BAZ1A: variants seen among roughly 807,000 people sequenced by gnomAD.
The protein encoded by BAZ1A is bromodomain adjacent to zinc finger domain protein 1A.
BAZ1A carries 50 observed loss-of-function variants against 185.2 expected under a neutral mutation model. The observed-to-expected ratio is 0.27, with a 90% CI of 0.22 to 0.34. The LOEUF is 0.34. Among genes scored for constraint, BAZ1A ranks in the 10% least tolerant of loss-of-function variants. The probability of loss-of-function intolerance (pLI) is 1.00; values close to 1 mark genes in which losing one functional copy is unlikely to be tolerated. For synonymous variants in BAZ1A, 571 were observed against 615.6 expected (o/e 0.93, Z 1.07); for missense variants, 1,356 against 1,839.9 (o/e 0.74, Z 4.81).
At chr14:34,811,954 T>C (rs1013584583) in intron 4 of BAZ1A, among the ~76,000 whole-genome samples, 4 of 152,184 alleles carry the variant, frequency 2.6e-5, no homozygotes, top group East Asian at 1.9e-4. Flanking sequence ...CTTCACATCT[T>C]TTCTTCCCTT....
At position 34,802,931 on chromosome 14, in the gene BAZ1A, C is replaced by T; in HGVS notation, c.784G>A (p.Asp262Asn). The change falls in exon 7 of 27, where the codon GAT (aspartate) becomes AAT (asparagine). Residue 262 changes from aspartate to asparagine, a missense_variant. By Grantham distance (23) the Asp-to-Asn change is conservative (BLOSUM62 1). Coordinates refer to ENST00000360310, the MANE Select transcript of BAZ1A (RefSeq NM_013448.3). ...AEQDFSYFFPDDPPTFIFSPA... is the reference protein window; with the variant it reads ...AEQDFSYFFPNDPPTFIFSPA... ...CTGAAGATAAATGTGGGTGGATCAT[C>T]AGGGAAGAAATAAGAAAAATCTTGT... is the stretch of plus-strand genomic sequence containing the variant. 6.2e-7 allele frequency: 1 copy of T among 1,613,012 alleles called. No individual in the cohort carries two copies. Among genetic ancestry groups the T allele is most frequent in the Non-Finnish European group, 8.5e-7 (1 of 1,179,046 alleles).
intron 4 of BAZ1A, among the ~76,000 whole-genome samples, chr14:34,820,130 T>TTTG (rs1010534306): frequency 1.4e-5 from 2 of 143,614 alleles, no homozygotes; most frequent in Non-Finnish European, 1.5e-5. Flanking sequence ...TCGTTTTTTT[T>TTTG]TTTTTTTTTT....
chr14:34,825,649 T>C (rs1436208152), intron 4 of BAZ1A, among the ~76,000 whole-genome samples: 1 of 151,386 alleles, frequency 6.6e-6, no homozygotes, highest in Non-Finnish European at 1.5e-5. Flanking sequence ...GAAAGAAAAG[T>C]TATTTCAGCT....
chr14:34,764,853 T>C lies in BAZ1A; in HGVS notation c.3630A>G (p.Pro1210=), dbSNP rs778195813. ...CCACATCTTCATCACTTTCCAAGGA[T>C]GGTCTCTGTCTAGAGGAGAGTCTTC... The part of the protein sequence containing the change: ...RSRRLSSRQR[P]SLESDEDVED... Residue 1210 remains proline (P), a synonymous_variant, in exon 23 of 27, where the codon CCA becomes CCG. Transcript: ENST00000360310. 8 of 1,614,094 alleles carry C rather than the reference T, an allele frequency of 5.0e-6. No homozygotes were observed. In the African/African-American group the frequency reaches 1.1e-4, roughly 22 times the overall value.
At chr14:34,861,854 G>T (rs2042774127) in intron 3 of BAZ1A, among the ~76,000 whole-genome samples, 190 bp downstream of exon 3, 1 of 152,076 alleles carries the variant, frequency 6.6e-6, no homozygotes, top group Non-Finnish European at 1.5e-5. Flanking sequence ...ATATGTTTTT[G>T]GTGGCATATA....
intron 2 of BAZ1A, among the ~76,000 whole-genome samples, chr14:34,866,544 A>G (rs962518257): frequency 1.3e-5 from 2 of 149,846 alleles, no homozygotes; most frequent in South Asian, 2.1e-4. Flanking sequence ...AAACATATCT[A>G]TAATATTTAG....
chr14:34,857,105 C>G (rs192837203), intron 3 of BAZ1A, among the ~76,000 whole-genome samples: 4 of 150,476 alleles, frequency 2.7e-5, no homozygotes, highest in African/African-American at 9.8e-5. Context: ...CTCCCAGGTT[C>G]ACATCATTCT....
intron 4 of BAZ1A, among the ~76,000 whole-genome samples, chr14:34,815,834 A>G (rs1389624951): frequency 6.6e-6 from 1 of 152,170 alleles, no homozygotes; most frequent in East Asian, 1.9e-4. Context: ...CTACAATGAC[A>G]ACCCACTAAA....
Position 34,753,483 on chromosome 14 carries a change from A to G in BAZ1A, c.*25T>C, listed in dbSNP as rs1886105999. On this transcript the variant is annotated 3_prime_UTR_variant, in exon 27 of 27. Transcript: ENST00000360310. ...TTTCATGAACAATTTGTTTTTCTTC[A>G]AATATATCCTTTAGAAGGACAAAGT... The G allele has an allele frequency of 3.7e-6, 6 of 1,611,292 alleles. No homozygotes were observed. The highest frequency in any genetic ancestry group is 1.7e-5 in the Admixed American group (1 of 59,816).
chr14:34,797,818 C>T (rs893379207), intron 9 of BAZ1A, among the ~76,000 whole-genome samples: 2 of 152,102 alleles, frequency 1.3e-5, no homozygotes, highest in Non-Finnish European at 2.9e-5. Context: ...CCATGGAGGG[C>T]GAGCCGAAGC....
chr14:34,781,089 A>G (rs763491374), intron 16 of BAZ1A, among the ~76,000 whole-genome samples: 7 of 152,242 alleles, frequency 4.6e-5, no homozygotes, highest in Non-Finnish European at 7.3e-5. Context: ...TAAAACTAAA[A>G]TTATATGAAC....
intron 11 of BAZ1A, among the ~76,000 whole-genome samples, chr14:34,793,265 G>GAACAGC (rs1880967286): frequency 2.0e-5 from 3 of 152,182 alleles, no homozygotes; most frequent in African/African-American, 7.2e-5. Flanking sequence ...TTGTTATTGT[G>GAACAGC]CCACTGTTCC....
At chr14:34,836,584 T>C (rs1350824170) in intron 3 of BAZ1A, among the ~76,000 whole-genome samples, 4 of 151,862 alleles carry the variant, frequency 2.6e-5, no homozygotes, top group Non-Finnish European at 4.4e-5. Context: ...GCTGAATCTA[T>C]AGCATACTTC....
At position 34,807,511 on chromosome 14, in the gene BAZ1A, A is replaced by C; in HGVS notation, c.666T>G (p.Asp222Glu). The change falls in exon 6 of 27, where the codon GAT becomes GAG. Residue 222 changes from aspartate to glutamate, a missense_variant. Asp to Glu is a conservative substitution (Grantham distance 45, BLOSUM62 2). Around this residue, in one of 7 missense-constraint regions of BAZ1A, gnomAD observed 332 missense variants for 395.3 expected, o/e 0.84. Coordinates refer to ENST00000360310, the MANE Select transcript of BAZ1A (RefSeq NM_013448.3). ...GTTGCTTCAGAAAAAGCTTTAGTTT[A>C]TCACGAGAAAATAGGTGTTTTCTCC... ...ISRRKHLFSRDKLKLFLKQHC... is the reference protein window; with the variant it reads ...ISRRKHLFSREKLKLFLKQHC... 6.2e-7 allele frequency: 1 copy of C among 1,613,214 alleles called. No homozygotes were observed. The highest frequency in any genetic ancestry group is 8.5e-7 in the Non-Finnish European group (1 of 1,179,468).
Position 34,802,980 on chromosome 14 carries a change from A to G in BAZ1A, c.735T>C (p.Ser245=), listed in dbSNP as rs763373119. 2.5e-6 allele frequency: 4 copies of G among 1,610,364 alleles called. No individual in the cohort carries two copies. Among genetic ancestry groups the G allele is most frequent in the Non-Finnish European group, 3.4e-6 (4 of 1,176,802 alleles). ...QDGVIKIKAS[S]LSTYKIAEQD... is the part of the protein sequence containing the mutation. ...GTTCTGCTATTTTATACGTTGAAAGAGATGATGCCTTAATAAAACAAAGAC... is the reference window on the plus strand; with the variant it reads ...GTTCTGCTATTTTATACGTTGAAAGGGATGATGCCTTAATAAAACAAAGAC... The change falls in exon 7 of 27, where the codon TCT becomes TCC. Residue 245 remains serine, a synonymous_variant. Transcript: ENST00000360310.
rs139969771 is a variant in BAZ1A, at chr14:34,826,293, A to C, written c.393-137T>G. On this transcript the variant is annotated intron_variant, in intron 3 of 26. Transcript: ENST00000360310. ...GCTGATTGATTTAAACAATTTAATT[A>C]AAAAGAAAATCTGTAACATCTAAGC... The C allele has an allele frequency of 5.0e-3, 4,002 of 806,412 alleles. 56 individuals are homozygous for C. Among genetic ancestry groups the C allele is most frequent in the Non-Finnish European group, 4.1e-3 (2,222 of 541,178 alleles). The allele number at this position is 806,412 out of a possible 1,614,324, so 50.0% of individuals were successfully genotyped here.
intron 26 of BAZ1A, 49 bp downstream of exon 26, chr14:34,754,778 C>G: frequency 7.4e-7 from 1 of 1,344,002 alleles, no homozygotes; most frequent in Non-Finnish European, 1.0e-6. Context: ...GATGCTATAA[C>G]AAAATGCCTT....
intron 8 of BAZ1A, among the ~76,000 whole-genome samples, 191 bp downstream of exon 8, chr14:34,800,901 TAA>T (rs1881494764): frequency 6.6e-6 from 1 of 152,182 alleles, no homozygotes; most frequent in African/African-American, 2.4e-5. Flanking sequence ...CCATGAAATT[TAA>T]AGAGATGAAG....
intron 7 of BAZ1A, among the ~76,000 whole-genome samples, chr14:34,802,633 A>T (rs943053353): frequency 2.6e-5 from 4 of 152,174 alleles, no homozygotes; most frequent in Admixed American, 2.6e-4. Flanking sequence ...TTGGTATAGA[A>T]TCCTTGTGGT....
Sources: allele counts gnomAD v4.1 joint callset (sites outside exome capture counted in the v4.1 genomes callset), GRCh38; gene constraint gnomAD v4.1.1; regional missense constraint gnomAD v4.1.1; transcripts MANE v1.5; gene names NCBI Gene and HGNC (gene_info 2026-07-23, HGNC 2026-07-21).